The following ULK4 variants were observed in gnomAD, a reference collection of about 807,000 sequenced individuals.
The protein encoded by ULK4 is inactive serine/threonine-protein kinase ULK4.
ULK4 carries 133 observed loss-of-function variants against 160.6 expected under a neutral mutation model. That is an observed-to-expected ratio of 0.83 (90% CI 0.72 to 0.96). The LOEUF is 0.96. Among genes scored for constraint, ULK4 ranks in the 40% least tolerant of loss-of-function variants. The probability of loss-of-function intolerance (pLI) is 0.00; values close to 1 mark genes in which losing one functional copy is unlikely to be tolerated. For synonymous variants in ULK4, 534 were observed against 539.8 expected (o/e 0.99, Z 0.15); for missense variants, 1,580 against 1,499.5 (o/e 1.05, Z -0.89).
At chr3:41,259,617 A>C (rs1026646598) in intron 35 of ULK4, among the ~76,000 whole-genome samples, 1 of 152,212 alleles carries the variant, frequency 6.6e-6, no homozygotes, top group African/African-American at 2.4e-5. Flanking sequence ...TTATGCTCAC[A>C]AATATGACTC....
chr3:41,304,925 G>A (rs867906899), intron 35 of ULK4, among the ~76,000 whole-genome samples: 1 of 152,300 alleles, frequency 6.6e-6, no homozygotes, highest in Non-Finnish European at 1.5e-5. Flanking sequence ...TAGTGAGAAC[G>A]CAGTATTATC....
intron 27 of ULK4, among the ~76,000 whole-genome samples, chr3:41,699,592 A>G (rs1260460350): frequency 6.6e-6 from 1 of 152,214 alleles, no homozygotes; most frequent in Non-Finnish European, 1.5e-5. Flanking sequence ...GAGGAGCTAA[A>G]TGGTCTAAAA....
intron 12 of ULK4, 74 bp from the exon 13 acceptor site, chr3:41,900,903 G>A (rs1698329332): frequency 9.4e-7 from 1 of 1,059,352 alleles, no homozygotes; most frequent in African/African-American, 1.6e-5. Context: ...CCAGTAAGAT[G>A]CTGAGGAAGA....
At chr3:41,342,858 G>A (rs2080715938) in intron 35 of ULK4, among the ~76,000 whole-genome samples, 1 of 152,146 alleles carries the variant, frequency 6.6e-6, no homozygotes, top group Non-Finnish European at 1.5e-5. Context: ...AGGAAGCGAG[G>A]TTGGTTCAAC....
At chr3:41,273,625 T>C (rs1216640782) in intron 35 of ULK4, among the ~76,000 whole-genome samples, 1 of 152,180 alleles carries the variant, frequency 6.6e-6, no homozygotes, top group Admixed American at 6.5e-5. Context: ...TCCTATAGTT[T>C]AGATACGATT....
At chr3:41,534,933 G>A (rs542091107) in intron 32 of ULK4, among the ~76,000 whole-genome samples, 22 of 152,230 alleles carry the variant, frequency 1.4e-4, no homozygotes, top group African/African-American at 5.3e-4. Context: ...GGCAATATAT[G>A]AGAAAAACCA....
rs563347332 is a variant in ULK4 at position 41,308,258 on chromosome 3, T to A, written c.3679-58684A>T. 2.4e-4 allele frequency among the ~76,000 whole-genome samples: 36 copies of A among 152,134 alleles called. 1 individual carries two copies. In the South Asian group the frequency reaches 7.1e-3, roughly 30 times the overall value. Reference sequence around the variant, plus strand: ...CACAGGAGTGTGTCTCTGAGAGTAATACCCTTAGGGTACCTGGAAGAATAA... The same window carrying A: ...CACAGGAGTGTGTCTCTGAGAGTAAAACCCTTAGGGTACCTGGAAGAATAA... On this transcript the variant is annotated intron_variant, in intron 35 of 36. Coordinates refer to ENST00000301831, the MANE Select transcript of ULK4 (RefSeq NM_017886.4).
At chr3:41,651,839 C>G (rs916221305) in intron 30 of ULK4, among the ~76,000 whole-genome samples, 2 of 152,090 alleles carry the variant, frequency 1.3e-5, no homozygotes, top group Non-Finnish European at 2.9e-5. Context: ...CAGTTCTGAC[C>G]AAAGACCAAC....
chr3:41,692,172 C>G (rs1168908584), intron 27 of ULK4, among the ~76,000 whole-genome samples: 1 of 151,378 alleles, frequency 6.6e-6, no homozygotes, highest in South Asian at 2.1e-4. Context: ...AGGATCGTCT[C>G]GATCTCCTGA....
chr3:41,523,451 A>G (rs1484761063), intron 32 of ULK4, among the ~76,000 whole-genome samples: 1 of 152,222 alleles, frequency 6.6e-6, no homozygotes, highest in African/African-American at 2.4e-5. Context: ...AACAATGTGA[A>G]TGCACTTAAT....
chr3:41,266,398 A>AT (rs906229034), intron 35 of ULK4, among the ~76,000 whole-genome samples: 8 of 152,100 alleles, frequency 5.3e-5, no homozygotes, highest in East Asian at 3.9e-4. Flanking sequence ...CTGCTTACAC[A>AT]TTTTTTTGCA....
intron 32 of ULK4, among the ~76,000 whole-genome samples, chr3:41,557,500 A>T (rs1373822242): frequency 6.6e-6 from 1 of 151,754 alleles, no homozygotes; most frequent in Non-Finnish European, 1.5e-5. Flanking sequence ...GGTGGCTCAC[A>T]CCTGTAATAC....
chr3:41,944,914 G>C (rs1700068532), intron 2 of ULK4, among the ~76,000 whole-genome samples: 2 of 152,086 alleles, frequency 1.3e-5, no homozygotes, highest in African/African-American at 4.8e-5. Flanking sequence ...GACGTTATTT[G>C]ACCTCTATGA....
chr3:41,768,013 T>C (rs1374760904), intron 21 of ULK4, among the ~76,000 whole-genome samples: 1 of 152,148 alleles, frequency 6.6e-6, no homozygotes, highest in Non-Finnish European at 1.5e-5. Context: ...CATTCTCACC[T>C]GAGCTCCATC....
At chr3:41,662,816 C>A (rs1318860093) in intron 30 of ULK4, among the ~76,000 whole-genome samples, 1 of 151,818 alleles carries the variant, frequency 6.6e-6, no homozygotes, top group South Asian at 2.1e-4. Flanking sequence ...CTAATCTTTA[C>A]AAAACTAAAA....
At chr3:41,501,765 TTCTA>T (rs1232122007) in intron 32 of ULK4, among the ~76,000 whole-genome samples, 9 of 152,144 alleles carry the variant, frequency 5.9e-5, no homozygotes, top group East Asian at 1.9e-4. Flanking sequence ...AACTTACTCC[TTCTA>T]TCTAACTGAA....
Position 41,744,789 on chromosome 3 carries a change from C to T in ULK4, c.2321+9572G>A, listed in dbSNP as rs537870608. ...CTTTTCAAGCGCCCTGTACCATTCA[C>T]CAAAATAGACTATACACTAAACTAC... On this transcript the variant is annotated intron_variant, in intron 22 of 36. Coordinates refer to ENST00000301831, the MANE Select transcript of ULK4 (RefSeq NM_017886.4). Among the ~76,000 whole-genome samples, 6 of 151,834 alleles carry T rather than the reference C, an allele frequency of 4.0e-5. No homozygotes were observed. In the East Asian group the frequency reaches 1.2e-3, roughly 29 times the overall value.
chr3:41,408,566 T>C (rs575730709), intron 34 of ULK4, among the ~76,000 whole-genome samples: 2 of 152,212 alleles, frequency 1.3e-5, no homozygotes, highest in Non-Finnish European at 2.9e-5. Context: ...AAGCATTCTC[T>C]ATCAAAATTA....
chr3:41,518,109 T>C (rs772163299), intron 32 of ULK4, among the ~76,000 whole-genome samples: 1 of 152,130 alleles, frequency 6.6e-6, no homozygotes, highest in Non-Finnish European at 1.5e-5. Flanking sequence ...GAAATAATTA[T>C]GGTGGAAACT....
Sources: gnomAD v4.1 joint callset for allele counts (sites outside exome capture counted in the v4.1 genomes callset) on GRCh38, gnomAD v4.1.1 for gene constraint, MANE v1.5 for transcripts, NCBI Gene and HGNC (gene_info 2026-07-23, HGNC 2026-07-21) for gene names.